SGCD: variants seen among roughly 807,000 people sequenced by gnomAD.
SGCD encodes the protein sarcoglycan delta.
In SGCD, 18 loss-of-function variants were observed where a neutral mutation model predicts 36.6. The ratio of observed to expected loss-of-function variants is 0.49; its 90% CI spans 0.34 to 0.73. The LOEUF (loss-of-function observed/expected upper bound fraction) is 0.73. SGCD is among the 30% of genes least tolerant of loss of function. SGCD has a pLI of 0.01. For missense variants in SGCD, 387 were observed against 346.7 expected (o/e 1.12, Z -0.92); for synonymous variants, 133 against 130.6 (o/e 1.02, Z -0.12).
chr5:155,736,474 A>G, the SGCD span, among the ~76,000 whole-genome samples: 1 of 152,028 alleles, frequency 6.6e-6, no homozygotes, highest in African/African-American at 2.4e-5. Context: ...CACCATAACA[A>G]ATTGCTCCCT....
chr5:156,405,172 T>C (rs191657138), intron 3 of SGCD, among the ~76,000 whole-genome samples: 103 of 152,222 alleles, frequency 6.8e-4, no homozygotes, highest in African/African-American at 2.3e-3. Flanking sequence ...AGGCACCAAC[T>C]AACAAGAGAG....
chr5:156,738,898 C>G (rs2113065168), intron 7 of SGCD, among the ~76,000 whole-genome samples: 2 of 152,266 alleles, frequency 1.3e-5, no homozygotes, highest in South Asian at 2.1e-4. Context: ...GTGAAACATC[C>G]AGCAGACATC....
At chr5:156,400,238 A>T (rs1362201784) in intron 3 of SGCD, among the ~76,000 whole-genome samples, 1 of 152,164 alleles carries the variant, frequency 6.6e-6, no homozygotes, top group African/African-American at 2.4e-5. Flanking sequence ...GCATTTTAAC[A>T]AGTTCCCAAG....
intron 3 of SGCD, among the ~76,000 whole-genome samples, chr5:156,419,049 C>T (rs6556594): frequency 0.72 from 109,192 of 152,092 alleles, 40,435 homozygotes; most frequent in African/African-American, 0.91. Flanking sequence ...GTTTATTGCA[C>T]ACAACTAAGA....
At chr5:155,751,053 A>G in the SGCD span, among the ~76,000 whole-genome samples, 1 of 152,154 alleles carries the variant, frequency 6.6e-6, no homozygotes, top group African/African-American at 2.4e-5. Flanking sequence ...TTTTTGTTTT[A>G]AACAAAAAGT....
chr5:156,123,096 A>G (rs187421901), intron 2 of SGCD, among the ~76,000 whole-genome samples: 69 of 152,194 alleles, frequency 4.5e-4, no homozygotes, highest in African/African-American at 1.5e-3. Flanking sequence ...GGTGGTGCTG[A>G]TGACTAAGTC....
intron 3 of SGCD, among the ~76,000 whole-genome samples, chr5:156,270,485 T>A (rs1766148109): frequency 6.6e-6 from 1 of 152,144 alleles, no homozygotes; most frequent in Non-Finnish European, 1.5e-5. Flanking sequence ...ATATCATATG[T>A]TATAAATGAG....
intron 4 of SGCD, among the ~76,000 whole-genome samples, chr5:156,567,426 ATAG>A (rs1759540151): frequency 1.0e-5 from 1 of 97,214 alleles, no homozygotes; most frequent in Admixed American, 1.0e-4. Context: ...AGATAGATAG[ATAG>A]ATGGTAGCTC....
At chr5:156,559,802 G>A (rs113526241) in intron 4 of SGCD, among the ~76,000 whole-genome samples, 7 of 152,278 alleles carry the variant, frequency 4.6e-5, no homozygotes, top group African/African-American at 1.2e-4. Context: ...CTGTGCCTGC[G>A]TAAAGGAATT....
At chr5:155,750,524 T>G in the SGCD span, among the ~76,000 whole-genome samples, 60 of 152,302 alleles carry the variant, frequency 3.9e-4, no homozygotes, top group Non-Finnish European at 7.8e-4. Context: ...TTTGTCCCTT[T>G]TAATTAGTAT....
chr5:155,862,559 A>G, the SGCD span, among the ~76,000 whole-genome samples: 4 of 152,170 alleles, frequency 2.6e-5, 1 homozygote, highest in African/African-American at 9.6e-5. Flanking sequence ...TTGCTCTTGA[A>G]CTGTTGGCCT....
chr5:155,738,924 CGTGTGAGAGA>C, the SGCD span, among the ~76,000 whole-genome samples: 1 of 122,632 alleles, frequency 8.2e-6, no homozygotes, highest in Non-Finnish European at 1.8e-5. Flanking sequence ...AGTGTGTTTG[CGTGTGAGAGA>C]GTGTGTGTGA....
intron 3 of SGCD, among the ~76,000 whole-genome samples, chr5:156,267,238 A>G (rs1298591750): frequency 1.3e-5 from 2 of 152,178 alleles, no homozygotes; most frequent in African/African-American, 4.8e-5. Context: ...TTTCATCTTA[A>G]GTCTTCCTGT....
At chr5:155,850,385 A>C in the SGCD span, among the ~76,000 whole-genome samples, 9 of 152,022 alleles carry the variant, frequency 5.9e-5, no homozygotes, top group Middle Eastern at 3.2e-3. Flanking sequence ...ATTTTTTTGC[A>C]GTGACCTCAA....
At chr5:156,354,346 G>A (rs1769399716) in intron 3 of SGCD, among the ~76,000 whole-genome samples, 1 of 152,070 alleles carries the variant, frequency 6.6e-6, no homozygotes, top group African/African-American at 2.4e-5. Context: ...AATGGTTCTA[G>A]TATTGAGAGC....
At chr5:155,728,964 C>T in the SGCD span, among the ~76,000 whole-genome samples, 1 of 152,206 alleles carries the variant, frequency 6.6e-6, no homozygotes, top group African/African-American at 2.4e-5. Context: ...GCTTGGTGGC[C>T]CTGCGGGATA....
In SGCD at chr5:156,347,863, A is replaced by T. The variant is rs113383079; in HGVS notation, c.192+3186A>T. Among the ~76,000 whole-genome samples the T allele has an allele frequency of 2.7e-3, 413 of 152,320 alleles. 5 individuals carry two copies. Among genetic ancestry groups the T allele is most frequent in the African/African-American group, 9.5e-3 (397 of 41,586 alleles). On this transcript the variant is annotated intron_variant, in intron 3 of 8. Transcript: ENST00000337851. ...ACATTAAGGTAATAATCTATATGAA[A>T]TCGGCTCTTTCCTGCAGTTAACTAA...
chr5:156,379,880 G>T (rs1481451872), intron 3 of SGCD, among the ~76,000 whole-genome samples: 2 of 152,180 alleles, frequency 1.3e-5, no homozygotes, highest in Non-Finnish European at 2.9e-5. Flanking sequence ...GAATTGTTCA[G>T]AAAACTCTCT....
chr5:155,903,435 C>CTAGCCT (rs1756431894), intron 1 of SGCD, among the ~76,000 whole-genome samples: 1 of 152,160 alleles, frequency 6.6e-6, no homozygotes, highest in Non-Finnish European at 1.5e-5. Context: ...AGATCTCTAT[C>CTAGCCT]TAGCCTACCT....
Sources: allele counts gnomAD v4.1 joint callset (sites outside exome capture counted in the v4.1 genomes callset), GRCh38; gene constraint gnomAD v4.1.1; transcripts MANE v1.5; gene names NCBI Gene and HGNC (gene_info 2026-07-23, HGNC 2026-07-21).